The following PIGU variants were observed in gnomAD, a reference collection of about 807,000 sequenced individuals.
PIGU encodes phosphatidylinositol glycan anchor biosynthesis class U, also known as GPI-anchor transamidase component PIGU.
Under a neutral mutation model 49.9 loss-of-function variants are expected in PIGU, and 24 were observed. That is an observed-to-expected ratio of 0.48 (90% CI 0.35 to 0.68). The LOEUF (loss-of-function observed/expected upper bound fraction) is 0.68. Among genes scored for constraint, PIGU ranks in the 30% least tolerant of loss-of-function variants. The pLI is 0.01. For missense variants in PIGU, 490 were observed against 532.6 expected, an observed-to-expected ratio of 0.92 and a Z score of 0.79; for synonymous variants, 220 against 205.7, an observed-to-expected ratio of 1.07 and a Z score of -0.59.
chr20:34,630,563 T>C (rs999869648), intron 6 of PIGU, among the ~76,000 whole-genome samples: 6 of 152,194 alleles, frequency 3.9e-5, no homozygotes, highest in Non-Finnish European at 7.3e-5. Flanking sequence ...ACTGCCTGAT[T>C]CCCTGTACAG....
chr20:34,617,433 A>G lies in PIGU; in HGVS notation c.530-1294T>C, dbSNP rs191354014. Among the ~76,000 whole-genome samples, 11 of 152,332 alleles carry G rather than the reference A, an allele frequency of 7.2e-5. No individual in the cohort carries two copies. In the East Asian group the frequency reaches 2.1e-3, roughly 29 times the overall value. On this transcript the variant is annotated intron_variant, in intron 6 of 11. Coordinates refer to ENST00000217446, the MANE Select transcript of PIGU (RefSeq NM_080476.5). ...CAGATGTGAGACATGGAGTCAAAGAAGATCATTTTGGAACTTTAAGATTTG... is the reference window on the plus strand; with the variant it reads ...CAGATGTGAGACATGGAGTCAAAGAGGATCATTTTGGAACTTTAAGATTTG...
At chr20:34,562,479 TGGA>T (rs1280130150) in intron 11 of PIGU, 4 of 1,289,196 alleles carry the variant, frequency 3.1e-6, no homozygotes, top group East Asian at 5.5e-5. Context: ...CAGAGGCGCC[TGGA>T]GGAGTTCAGG....
In PIGU at chr20:34,634,527, AAAAAAC is replaced by A; in HGVS notation, c.529+82_529+87del. 3 of 1,436,678 alleles carry A rather than the reference AAAAAAC, an allele frequency of 2.1e-6. No individual in the cohort carries two copies. In the South Asian group the frequency reaches 4.8e-5, roughly 23 times the overall value. 89.0% of individuals were successfully genotyped at this position (1,436,678 alleles called of 1,614,324 possible). ...AATGTTTTTAAGTGTTGCATTAAAAAAAAAACAAAACAAAACCACAGCACAAGTGTT... is the reference window on the plus strand; with the variant it reads ...AATGTTTTTAAGTGTTGCATTAAAAAAAAACAAAACCACAGCACAAGTGTT... On this transcript the variant is annotated intron_variant, in intron 6 of 11. Coordinates refer to ENST00000217446, the MANE Select transcript of PIGU (RefSeq NM_080476.5).
intron 1 of PIGU, among the ~76,000 whole-genome samples, chr20:34,675,397 C>T (rs1987468451): frequency 1.3e-5 from 2 of 151,828 alleles, no homozygotes; most frequent in Non-Finnish European, 2.9e-5. Context: ...CAGAAGAAAA[C>T]AGGAACCAAA....
chr20:34,594,929 A>G (rs1984134507), intron 7 of PIGU, among the ~76,000 whole-genome samples: 1 of 151,818 alleles, frequency 6.6e-6, no homozygotes, highest in Admixed American at 6.6e-5. Flanking sequence ...CGTCTCTACT[A>G]AAAATACAAA....
chr20:34,663,155 T>C (rs1221948034), intron 1 of PIGU, among the ~76,000 whole-genome samples: 2 of 152,192 alleles, frequency 1.3e-5, no homozygotes, highest in Non-Finnish European at 2.9e-5. Flanking sequence ...TCTTCCCACC[T>C]TGACCTCCCA....
At chr20:34,631,822 A>T (rs1985790253) in intron 6 of PIGU, among the ~76,000 whole-genome samples, 1 of 71,696 alleles carries the variant, frequency 1.4e-5, no homozygotes, top group African/African-American at 4.9e-5. Flanking sequence ...TTTTTAGTAG[A>T]GACGGGGTTT....
At chr20:34,570,749 G>C (rs1239099308) in intron 11 of PIGU, among the ~76,000 whole-genome samples, 1 of 152,190 alleles carries the variant, frequency 6.6e-6, no homozygotes, top group Non-Finnish European at 1.5e-5. Context: ...TATGTTCTCT[G>C]TTTTTAAACA....
intron 7 of PIGU, among the ~76,000 whole-genome samples, chr20:34,614,751 C>T (rs1984945092): frequency 6.6e-6 from 1 of 152,006 alleles, no homozygotes; most frequent in South Asian, 2.1e-4. Flanking sequence ...AACCATGAAT[C>T]ATTGTCTGCA....
At chr20:34,663,418 A>T (rs1372149946) in intron 1 of PIGU, among the ~76,000 whole-genome samples, 1 of 152,098 alleles carries the variant, frequency 6.6e-6, no homozygotes, top group African/African-American at 2.4e-5. Flanking sequence ...TCAAAGCTGC[A>T]GCGAGTCATG....
intron 7 of PIGU, among the ~76,000 whole-genome samples, chr20:34,607,865 C>T (rs1984674290): frequency 6.6e-6 from 1 of 152,212 alleles, no homozygotes; most frequent in African/African-American, 2.4e-5. Flanking sequence ...ATCCTCCTGC[C>T]TCAGCCTCCC....
At chr20:34,676,887 G>T in intron 1 of PIGU, 69 bp downstream of exon 1, 1 of 1,431,640 alleles carries the variant, frequency 7.0e-7, no homozygotes, top group African/African-American at 1.4e-5. Flanking sequence ...CACTGCCCCC[G>T]CCTCCCATTC....
chr20:34,668,838 G>GA (rs1017784169), intron 1 of PIGU, among the ~76,000 whole-genome samples: 5 of 101,486 alleles, frequency 4.9e-5, no homozygotes, highest in African/African-American at 1.4e-4. Flanking sequence ...TCATAGAACA[G>GA]AAAAAAAATT....
chr20:34,618,131 A>G (rs190197982), intron 6 of PIGU, among the ~76,000 whole-genome samples: 1 of 152,302 alleles, frequency 6.6e-6, no homozygotes, highest in Admixed American at 6.5e-5. Context: ...ACTAAAACCT[A>G]AGGCCACAAA....
chr20:34,662,907 GT>G (rs913103316), intron 1 of PIGU, among the ~76,000 whole-genome samples: 1 of 152,042 alleles, frequency 6.6e-6, no homozygotes. Flanking sequence ...AAAAGAAGTA[GT>G]TTTTGTTTTT....
intron 11 of PIGU, among the ~76,000 whole-genome samples, chr20:34,567,786 T>C (rs1982835221): frequency 1.3e-5 from 2 of 149,886 alleles, no homozygotes; most frequent in Non-Finnish European, 3.0e-5. Context: ...TGTTCCTCCT[T>C]TGCTCCCTCC....
chr20:34,668,613 T>C (rs2146796523), intron 1 of PIGU, among the ~76,000 whole-genome samples: 1 of 147,960 alleles, frequency 6.8e-6, no homozygotes, highest in Non-Finnish European at 1.5e-5. Context: ...ACTAAAAATA[T>C]AAGAAATTAG....
Position 34,659,300 on chromosome 20 carries a change from TGGG to T in PIGU, c.131-2059_131-2057del, listed in dbSNP as rs1986847850. 6.6e-5 allele frequency among the ~76,000 whole-genome samples: 5 copies of T among 75,526 alleles called. No individual in the cohort carries two copies. The South Asian group carries it at 2.2e-3, about 33-fold the overall frequency. The allele number at this position is 75,526 out of a possible 152,430, so 49.5% of individuals were successfully genotyped here. On this transcript the variant is annotated intron_variant, in intron 1 of 11. Coordinates refer to ENST00000217446, the MANE Select transcript of PIGU (RefSeq NM_080476.5). ...CCAGCCACCCCGTCCGGGAGGGAGG[TGGG>T]GGGGTCAGCCCCCCGCCCGGCCAGC...
chr20:34,633,570 ATT>A (rs925090049), intron 6 of PIGU, among the ~76,000 whole-genome samples: 6 of 145,466 alleles, frequency 4.1e-5, no homozygotes, highest in Admixed American at 6.9e-5. Flanking sequence ...AAAGAGCTAA[ATT>A]TTTTTTTTTT....
Sources: gnomAD v4.1 joint callset for allele counts (sites outside exome capture counted in the v4.1 genomes callset) on GRCh38, gnomAD v4.1.1 for gene constraint, MANE v1.5 for transcripts, NCBI Gene and HGNC (gene_info 2026-07-23, HGNC 2026-07-21) for gene names.